Variants in FBLN1 observed in about 807,000 individuals in gnomAD.
The protein encoded by FBLN1 is fibulin 1, also known as fibulin-1.
In FBLN1, 34 loss-of-function variants were observed where a neutral mutation model predicts 89.7. That is an observed-to-expected ratio of 0.38 (90% CI 0.29 to 0.50). FBLN1 has a LOEUF of 0.50. Among genes scored for constraint, FBLN1 ranks in the 20% least tolerant of loss-of-function variants. The probability of loss-of-function intolerance (pLI) is 0.92; values close to 1 mark genes in which losing one functional copy is unlikely to be tolerated. For missense variants in FBLN1, 777 were observed against 988.1 expected, an observed-to-expected ratio of 0.79 and a Z score of 2.86; for synonymous variants, 393 against 391.3, an observed-to-expected ratio of 1.00 and a Z score of -0.05.
intron 1 of FBLN1, among the ~76,000 whole-genome samples, chr22:45,509,901 A>G (rs2088075418): frequency 1.3e-5 from 2 of 152,202 alleles, no homozygotes; most frequent in East Asian, 3.9e-4. Flanking sequence ...GGGTGGGGGC[A>G]TGATCCTTTT....
At chr22:45,533,437 T>C (rs560338219) in intron 6 of FBLN1, among the ~76,000 whole-genome samples, 12 of 152,228 alleles carry the variant, frequency 7.9e-5, no homozygotes, top group Non-Finnish European at 1.6e-4. Flanking sequence ...CTGAGTGGCC[T>C]TGGGCACATC....
rs1042582370 is a variant in FBLN1 at position 45,542,392 on chromosome 22, C to T, written c.1195+109C>T. 4.2e-5 allele frequency: 59 copies of T among 1,407,534 alleles called. No individual in the cohort carries two copies. In the Admixed American group the frequency reaches 9.6e-4, roughly 23 times the overall value. 87.2% of individuals were successfully genotyped at this position (1,407,534 alleles called of 1,614,324 possible). A position where few individuals can be genotyped will look rare whatever the true frequency, so the allele number is the denominator to read the frequency against. On this transcript the variant is annotated intron_variant, in intron 10 of 16. Coordinates refer to ENST00000327858, the MANE Select transcript of FBLN1 (RefSeq NM_006486.3). ...GTCTGATCCTCATCTCAGATAATCCCAAGTGCAGGCAGACCCTGAGAGAAG... is the reference window on the plus strand; with the variant it reads ...GTCTGATCCTCATCTCAGATAATCCTAAGTGCAGGCAGACCCTGAGAGAAG...
intron 1 of FBLN1, chr22:45,518,456 T>G: frequency 1.2e-5 from 7 of 587,852 alleles, no homozygotes; most frequent in Admixed American, 2.4e-5. Context: ...TGGATTCAGA[T>G]GGGGGAGGAT....
chr22:45,542,420 C>A, intron 10 of FBLN1, 137 bp downstream of exon 10: 1 of 1,269,068 alleles, frequency 7.9e-7, no homozygotes, highest in Non-Finnish European at 1.1e-6. Context: ...GAGAGAAGAT[C>A]CTGAGTCAGG....
chr22:45,511,187 T>A (rs183528788), intron 1 of FBLN1, among the ~76,000 whole-genome samples: 1 of 150,624 alleles, frequency 6.6e-6, no homozygotes, highest in Admixed American at 6.6e-5. Flanking sequence ...AGAGTTTCGC[T>A]CTTGTTGCCC....
At chr22:45,526,053 C>A (rs1465672311) in intron 3 of FBLN1, among the ~76,000 whole-genome samples, 1 of 152,218 alleles carries the variant, frequency 6.6e-6, no homozygotes, top group East Asian at 1.9e-4. Flanking sequence ...ACCCAGGAGG[C>A]TCTCAGGCTT....
chr22:45,588,868 A>T lies in FBLN1; in HGVS notation c.1973-11439A>T, dbSNP rs1178178100. ...ATGAATCTTTTGGCGGCCTCTCCTA[A>T]CCGTCTTTAAATCTGCGAAAGGATC... On this transcript the variant is annotated intron_variant, in intron 16 of 16. Transcript: ENST00000327858. The surrounding 1 kb of genome is among the most constrained non-coding windows in gnomAD (Gnocchi z 5.1). 6.6e-6 allele frequency among the ~76,000 whole-genome samples: 1 copy of T among 150,518 alleles called. No individual in the cohort carries two copies. Among genetic ancestry groups the T allele is most frequent in the African/African-American group, 2.4e-5 (1 of 40,888 alleles).
rs1368940736 is a variant in FBLN1 at position 45,536,680 on chromosome 22, G to A, written c.922+1343G>A. 1.3e-5 allele frequency among the ~76,000 whole-genome samples: 2 copies of A among 152,034 alleles called. No homozygotes were observed. Among genetic ancestry groups the A allele is most frequent in the East Asian group, 1.9e-4 (1 of 5,182 alleles). ...CTTAGGAGGCTGAGGCAGCAGAATC[G>A]CTTGAGCCTGGGAGGCAGAGGTTGC... is the stretch of plus-strand genomic sequence containing the variant. On this transcript the variant is annotated intron_variant, in intron 8 of 16. Transcript: ENST00000327858. This position sits in a 1 kb window ranked among gnomAD's most constrained non-coding sequence, Gnocchi z 5.1.
intron 16 of FBLN1, among the ~76,000 whole-genome samples, chr22:45,585,524 G>A (rs995721624): frequency 6.6e-6 from 1 of 152,242 alleles, no homozygotes; most frequent in Non-Finnish European, 1.5e-5. Flanking sequence ...CCAACGATGA[G>A]TGATTGCCCT....
chr22:45,574,990 G>A lies in FBLN1; in HGVS notation c.1840+337G>A, dbSNP rs971078042. On this transcript the variant is annotated intron_variant, in intron 15 of 16. Transcript: ENST00000327858. This position sits in a 1 kb window ranked among gnomAD's most constrained non-coding sequence, Gnocchi z 4.1. ...GTAAAGACGGGGTTTCACCGTGTTC[G>A]CCAGGATGGTCTCAATCTCCTGACC... 3.3e-5 allele frequency among the ~76,000 whole-genome samples: 5 copies of A among 151,830 alleles called. No homozygotes were observed. Among genetic ancestry groups the A allele is most frequent in the Admixed American group, 2.6e-4 (4 of 15,240 alleles).
chr22:45,546,720 C>G (rs940153465), intron 11 of FBLN1, among the ~76,000 whole-genome samples: 2 of 152,102 alleles, frequency 1.3e-5, no homozygotes, highest in Non-Finnish European at 1.5e-5. Context: ...CCTTGTGTGC[C>G]GTCATCTGTT....
At chr22:45,512,786 C>T (rs1223967838) in intron 1 of FBLN1, among the ~76,000 whole-genome samples, 1 of 152,098 alleles carries the variant, frequency 6.6e-6, no homozygotes, top group East Asian at 1.9e-4. Flanking sequence ...GAGACAGGGT[C>T]TCCCCCTGTC....
intron 14 of FBLN1, among the ~76,000 whole-genome samples, chr22:45,553,104 C>G (rs1030250305): frequency 1.3e-5 from 2 of 152,214 alleles, no homozygotes; most frequent in Admixed American, 1.3e-4. Context: ...TGGGGCTTGT[C>G]TCCCGGACGA....
At chr22:45,592,187 C>T (rs1440444948) in intron 16 of FBLN1, among the ~76,000 whole-genome samples, 1 of 152,208 alleles carries the variant, frequency 6.6e-6, no homozygotes, top group Non-Finnish European at 1.5e-5. Context: ...TCATCCCTAA[C>T]TGCGATGGGG....
chr22:45,579,133 C>T lies in FBLN1; in HGVS notation c.1972+2025C>T, dbSNP rs2089022546. 6.6e-6 allele frequency among the ~76,000 whole-genome samples: 1 copy of T among 152,228 alleles called. No homozygotes were observed. The highest frequency in any genetic ancestry group is 1.5e-5 in the Non-Finnish European group (1 of 68,036). ...GTTGGGCAGCTGCTGGGCCTAGAACCAGCACCCACCAGCGCCTTTCTCTGG... is the reference window on the plus strand; with the variant it reads ...GTTGGGCAGCTGCTGGGCCTAGAACTAGCACCCACCAGCGCCTTTCTCTGG... On this transcript the variant is annotated intron_variant, in intron 16 of 16. Coordinates refer to ENST00000327858, the MANE Select transcript of FBLN1 (RefSeq NM_006486.3). This position sits in a 1 kb window ranked among gnomAD's most constrained non-coding sequence, Gnocchi z 5.5.
chr22:45,543,838 C>T (rs1269329471), intron 11 of FBLN1, among the ~76,000 whole-genome samples: 1 of 152,176 alleles, frequency 6.6e-6, no homozygotes, highest in Non-Finnish European at 1.5e-5. Context: ...TGGTTATGCC[C>T]GACCTCTCCC....
rs138205009 is a variant in FBLN1 at position 45,569,436 on chromosome 22, C to T, written c.1698-5075C>T. 5.3e-3 allele frequency among the ~76,000 whole-genome samples: 805 copies of T among 152,182 alleles called. 3 individuals carry two copies. The highest frequency in any genetic ancestry group is 7.1e-3 in the Non-Finnish European group (485 of 67,998). On this transcript the variant is annotated intron_variant, in intron 14 of 16. Coordinates refer to ENST00000327858, the MANE Select transcript of FBLN1 (RefSeq NM_006486.3). ...TGGGCAGATCACAAGGTCAAGAGTT[C>T]GAGACCAGCCTGGTCCACATGGTGA...
chr22:45,600,515 G>C lies in FBLN1; in HGVS notation c.*69G>C. On this transcript the variant is annotated 3_prime_UTR_variant, in exon 17 of 17. Transcript: ENST00000327858. ...TCATTGCTGCCAGTGACTGTGGTCTGTACTTGTTTATACCCTCAGACTTTT... is the reference window on the plus strand; with the variant it reads ...TCATTGCTGCCAGTGACTGTGGTCTCTACTTGTTTATACCCTCAGACTTTT... 2.5e-6 allele frequency: 4 copies of C among 1,585,546 alleles called. No individual in the cohort carries two copies. Among genetic ancestry groups the C allele is most frequent in the Middle Eastern group, 1.7e-4 (1 of 6,016 alleles).
intron 1 of FBLN1, among the ~76,000 whole-genome samples, chr22:45,516,694 T>G (rs1229815401): frequency 1.3e-5 from 2 of 152,196 alleles, no homozygotes; most frequent in African/African-American, 4.8e-5. Context: ...ACTGTTGGGC[T>G]TTGCTGTGGC....
Sources: gnomAD v4.1 joint callset for allele counts (sites outside exome capture counted in the v4.1 genomes callset) on GRCh38, gnomAD v4.1.1 for gene constraint, Gnocchi (gnomAD v3.1) non-coding constraint, MANE v1.5 for transcripts, NCBI Gene and HGNC (gene_info 2026-07-23, HGNC 2026-07-21) for gene names.